The following PMVK variants were observed in gnomAD, a reference collection of about 807,000 sequenced individuals.
The protein encoded by PMVK is phosphomevalonate kinase.
PMVK carries 10 observed loss-of-function variants against 19.0 expected under a neutral mutation model. The observed-to-expected ratio is 0.53, with a 90% CI of 0.32 to 0.89. The LOEUF is 0.89. PMVK is among the 40% of genes least tolerant of loss of function. The probability of loss-of-function intolerance (pLI) is 0.03; values close to 1 mark genes in which losing one functional copy is unlikely to be tolerated. For missense variants in PMVK, 222 were observed against 251.1 expected (o/e 0.88, Z 0.78); for synonymous variants, 108 against 101.6 (o/e 1.06, Z -0.38).
At chr1:154,936,941 G>A, upstream of PMVK, 1 of 496,356 alleles carries the variant, frequency 2.0e-6, no homozygotes, top group South Asian at 2.0e-5. Context: ...CCCTCGTGAA[G>A]CTCCCCCACC....
intron 1 of PMVK, among the ~76,000 whole-genome samples, chr1:154,935,915 T>A (rs1654489928): frequency 6.6e-6 from 1 of 150,812 alleles, no homozygotes; most frequent in Admixed American, 6.6e-5. Flanking sequence ...TGGTCTCCAC[T>A]ACTGGGCTCT....
intron 2 of PMVK, among the ~76,000 whole-genome samples, chr1:154,929,909 C>T (rs1265931114): frequency 6.6e-6 from 1 of 152,194 alleles, no homozygotes; most frequent in Non-Finnish European, 1.5e-5. Flanking sequence ...TCCCCTCAGG[C>T]TCTCAATTTC....
At chr1:154,936,890 G>A (rs530285168), upstream of PMVK, 3 of 572,604 alleles carry the variant, frequency 5.2e-6, no homozygotes, top group African/African-American at 3.8e-5. Flanking sequence ...AAAAGGGTGA[G>A]ACACGCGGAG....
At chr1:154,928,298 G>GACCA (rs751455274) in intron 3 of PMVK, among the ~76,000 whole-genome samples, 30 of 152,318 alleles carry the variant, frequency 2.0e-4, no homozygotes, top group Admixed American at 3.3e-4. Context: ...CTGACTTGAG[G>GACCA]ACCAAGAAGG....
intron 3 of PMVK, among the ~76,000 whole-genome samples, chr1:154,926,770 G>T (rs188337187): frequency 1.3e-5 from 2 of 152,250 alleles, no homozygotes; most frequent in East Asian, 3.9e-4. Flanking sequence ...AGGTGCTAAG[G>T]CTAGACTGGT....
chr1:154,931,586 C>A (rs6671228), intron 2 of PMVK, among the ~76,000 whole-genome samples: 2,590 of 152,312 alleles, frequency 0.017, 83 homozygotes, highest in African/African-American at 0.06. Flanking sequence ...AGTGCAGGAA[C>A]ACATCCCAGG....
At chr1:154,926,506 T>G (rs770692621) in intron 3 of PMVK, 23 bp from the exon 4 acceptor site, 58 of 1,611,048 alleles carry the variant, frequency 3.6e-5, no homozygotes, top group Non-Finnish European at 4.5e-5. Flanking sequence ...GACAGACAGG[T>G]GACCAACAGG....
Position 154,925,144 on chromosome 1 carries a change from G to C in PMVK, c.564C>G (p.Ile188Met). 2 of 1,613,584 alleles carry C rather than the reference G, an allele frequency of 1.2e-6. No individual in the cohort carries two copies. The highest frequency in any genetic ancestry group is 2.2e-5 in the East Asian group (1 of 44,844). ...EEQLENLIEF[I>M]RSRL ...AACCTAGTGACTAAAGTCTGGAGCG[G>C]ATAAATTCTATCAGGTTCTCCAACT... The change falls in exon 5 of 5, where the codon ATC (isoleucine) becomes ATG (methionine). Residue 188 changes from isoleucine (I) to methionine (M), a missense_variant. Transcript: ENST00000368467.
At chr1:154,925,325 G>A (rs1654116668) in intron 4 of PMVK, 60 bp from the exon 5 acceptor site, 2 of 1,581,586 alleles carry the variant, frequency 1.3e-6, no homozygotes, top group Non-Finnish European at 1.7e-6. Context: ...CAGGCATCAA[G>A]GCCTGCTAAC....
chr1:154,941,872 G>T, the PMVK span, among the ~76,000 whole-genome samples: 2 of 152,148 alleles, frequency 1.3e-5, no homozygotes, highest in Non-Finnish European at 2.9e-5. Flanking sequence ...CACAGGGCCA[G>T]ACAGGGCATG....
intron 1 of PMVK, among the ~76,000 whole-genome samples, chr1:154,936,033 T>C (rs985718888): frequency 3.3e-5 from 5 of 152,176 alleles, no homozygotes; most frequent in African/African-American, 1.2e-4. Context: ...ACCTGTGAAA[T>C]GGAGATGCTA....
chr1:154,932,528 A>G (rs1654370804), intron 1 of PMVK, 113 bp from the exon 2 acceptor site: 1 of 648,844 alleles, frequency 1.5e-6, no homozygotes, highest in Non-Finnish European at 2.7e-6. Context: ...TACTGGTATT[A>G]TGTAACTTTG....
Position 154,926,447 on chromosome 1 carries a change from A to C in PMVK, c.349T>G (p.Trp117Gly), listed in dbSNP as rs1654163857. The change falls in exon 4 of 5, where the codon TGG becomes GGG. Residue 117 changes from tryptophan (W) to glycine (G), a missense_variant. Trp to Gly is a radical substitution (Grantham distance 184, BLOSUM62 -2). Transcript: ENST00000368467. ...ACGGCCCCATAGGCCTCCCGAAACC[A>C]CTGGATGTCAGACACTCTCCGTGTG... ...SDTRRVSDIQ[W>G]FREAYGAVTQ... The C allele has an allele frequency of 6.2e-7, 1 of 1,613,586 alleles. No homozygotes were observed. The highest frequency in any genetic ancestry group is 8.5e-7 in the Non-Finnish European group (1 of 1,179,784).
upstream of PMVK, among the ~76,000 whole-genome samples, chr1:154,939,832 A>T (rs1654604789): frequency 6.6e-6 from 1 of 151,936 alleles, no homozygotes. Context: ...GGCGGATCAT[A>T]AGCTCACTGC....
At chr1:154,930,697 C>T (rs1654309322) in intron 2 of PMVK, among the ~76,000 whole-genome samples, 1 of 151,960 alleles carries the variant, frequency 6.6e-6, no homozygotes, top group Non-Finnish European at 1.5e-5. Flanking sequence ...CCCCCACCAC[C>T]ACCCCACCAC....
At chr1:154,928,807 A>AAATG (rs981307569) in intron 3 of PMVK, among the ~76,000 whole-genome samples, 1 of 151,524 alleles carries the variant, frequency 6.6e-6, no homozygotes, top group African/African-American at 2.4e-5. Context: ...ATAAATAAAT[A>AAATG]AATAAATAAT....
In PMVK at chr1:154,926,576, G is replaced by A. The variant is rs541021127; in HGVS notation, c.313-93C>T. On this transcript the variant is annotated intron_variant, in intron 3 of 4. Coordinates refer to ENST00000368467, the MANE Select transcript of PMVK (RefSeq NM_006556.4). ...TACAGAACCCAGGGCAGTGTGGGGT[G>A]TGGCTCTACCCCCCCATCATCGTGA... The A allele has an allele frequency of 2.1e-4, 235 of 1,093,732 alleles. 2 individuals are homozygous for A. In the South Asian group the frequency reaches 3.4e-3, roughly 16 times the overall value. The allele number at this position is 1,093,732 out of a possible 1,614,324, so 67.8% of individuals were successfully genotyped here.
chr1:154,933,084 G>A (rs1654386686), intron 1 of PMVK, among the ~76,000 whole-genome samples: 1 of 152,114 alleles, frequency 6.6e-6, no homozygotes, highest in African/African-American at 2.4e-5. Flanking sequence ...ATGCCAGCCT[G>A]GGAGACAGAG....
At chr1:154,936,466 G>A in intron 1 of PMVK, 125 bp downstream of exon 1, 3 of 1,488,740 alleles carry the variant, frequency 2.0e-6, no homozygotes, top group South Asian at 1.3e-5. Flanking sequence ...CCCCAGCCCA[G>A]TGCTCCTCCT....
Sources: allele counts gnomAD v4.1 joint callset (sites outside exome capture counted in the v4.1 genomes callset), GRCh38; gene constraint gnomAD v4.1.1; transcripts MANE v1.5; gene names NCBI Gene and HGNC (gene_info 2026-07-23, HGNC 2026-07-21).